Variants in LOC112694756 observed in about 807,000 individuals in gnomAD.
chr16:30,067,108 C>T, the LOC112694756 span: 2 of 1,570,130 alleles, frequency 1.3e-6, no homozygotes, highest in South Asian at 2.3e-5. Flanking sequence ...TGCCCCAGGG[C>T]CTGCTGGGTG....
the LOC112694756 span, chr16:30,069,588 T>C: frequency 6.2e-7 from 1 of 1,614,118 alleles, no homozygotes; most frequent in South Asian, 1.1e-5. Context: ...CCCCAGGCCA[T>C]GCTTGCACTC....
At chr16:30,069,202 T>G in the LOC112694756 span, 1 of 1,417,038 alleles carries the variant, frequency 7.1e-7, no homozygotes, top group Non-Finnish European at 9.9e-7. Flanking sequence ...GAAGCCTGAG[T>G]CCCTGGCATC....
chr16:30,055,471 G>C, the LOC112694756 span: 1 of 397,438 alleles, frequency 2.5e-6, no homozygotes, highest in Admixed American at 4.4e-5. Flanking sequence ...GTGCAGCCAG[G>C]TAAAAACAAC....
At chr16:30,069,115 T>C in the LOC112694756 span, 1 of 1,444,048 alleles carries the variant, frequency 6.9e-7, no homozygotes, top group Non-Finnish European at 9.6e-7. Context: ...ACTCAAGGGC[T>C]GTTGAAGGCA....
the LOC112694756 span, chr16:30,067,324 G>T: frequency 6.2e-7 from 1 of 1,613,560 alleles, no homozygotes; most frequent in Non-Finnish European, 8.5e-7. Context: ...TCACCGCATC[G>T]TGGCACCTGG....
the LOC112694756 span, among the ~76,000 whole-genome samples, chr16:30,066,476 G>C: frequency 6.6e-6 from 1 of 152,244 alleles, no homozygotes; most frequent in Non-Finnish European, 1.5e-5. Flanking sequence ...GCTCCTCCAC[G>C]TTCTTGCCCC....
chr16:30,068,464 A>C, the LOC112694756 span: 2 of 702,086 alleles, frequency 2.8e-6, no homozygotes, highest in African/African-American at 1.8e-5. Context: ...CTGGGGCTAA[A>C]GAAGAGGAAA....
At chr16:30,067,571 C>T in the LOC112694756 span, 10 of 1,613,894 alleles carry the variant, frequency 6.2e-6, no homozygotes, top group South Asian at 5.5e-5. Context: ...GGGGTGTCAT[C>T]CTCTTCCATG....
the LOC112694756 span, chr16:30,068,975 G>C: frequency 5.0e-6 from 8 of 1,614,104 alleles, no homozygotes; most frequent in South Asian, 8.8e-5. Flanking sequence ...GTATCTGCCA[G>C]CAGGTGGGCC....
the LOC112694756 span, chr16:30,063,785 C>T: frequency 2.5e-6 from 1 of 399,406 alleles, no homozygotes; most frequent in Non-Finnish European, 4.4e-6. Flanking sequence ...CCTGTACGTG[C>T]CAGCTCCCCG....
the LOC112694756 span, chr16:30,069,002 G>A: frequency 6.2e-7 from 1 of 1,613,954 alleles, no homozygotes; most frequent in Admixed American, 1.7e-5. Flanking sequence ...TCCTCAATAG[G>A]CAACCTCCTA....
the LOC112694756 span, among the ~76,000 whole-genome samples, chr16:30,061,990 G>A: frequency 6.6e-6 from 1 of 150,790 alleles, no homozygotes; most frequent in Non-Finnish European, 1.5e-5. Context: ...ATCACCTGAG[G>A]TCAGGAGTTC....
chr16:30,054,664 C>A, the LOC112694756 span: 1 of 397,920 alleles, frequency 2.5e-6, no homozygotes, highest in Non-Finnish European at 4.4e-6. Flanking sequence ...CCTGTTGACG[C>A]TCTCCCCACC....
the LOC112694756 span, chr16:30,066,907 C>A: frequency 6.5e-7 from 1 of 1,550,378 alleles, no homozygotes; most frequent in Admixed American, 2.0e-5. Context: ...CATGGCAAGG[C>A]GCAAGCCAGA....
chr16:30,067,574 C>T, the LOC112694756 span: 4 of 1,613,962 alleles, frequency 2.5e-6, no homozygotes, highest in African/African-American at 2.7e-5. Flanking sequence ...GTGTCATCCT[C>T]TTCCATGAGA....
chr16:30,060,045 C>A, the LOC112694756 span, among the ~76,000 whole-genome samples: 2 of 152,106 alleles, frequency 1.3e-5, no homozygotes, highest in Non-Finnish European at 2.9e-5. Context: ...GTAAAACAAT[C>A]TCGGCTCACT....
At chr16:30,069,400 A>G in the LOC112694756 span, 10 of 1,614,090 alleles carry the variant, frequency 6.2e-6, no homozygotes, top group South Asian at 9.9e-5. Context: ...GTAAATGGCT[A>G]CCTGCCTGAC....
At chr16:30,066,812 C>T in the LOC112694756 span, 67 of 1,468,416 alleles carry the variant, frequency 4.6e-5, no homozygotes, top group Non-Finnish European at 6.1e-5. Flanking sequence ...CCCTTTCCCA[C>T]GAGGGTGTTG....
chr16:30,061,482 T>C, the LOC112694756 span, among the ~76,000 whole-genome samples: 1 of 150,112 alleles, frequency 6.7e-6, no homozygotes, highest in South Asian at 2.1e-4. Flanking sequence ...CAAGAGGGAT[T>C]GCAGGCAGGA....
Sources: allele counts gnomAD v4.1 joint callset (sites outside exome capture counted in the v4.1 genomes callset), GRCh38; gene constraint gnomAD v4.1.1; transcripts MANE v1.5.